The following MTMR3 variants were observed in gnomAD, a reference collection of about 807,000 sequenced individuals.
MTMR3 encodes the protein myotubularin related protein 3, also known as phosphatidylinositol-3,5-bisphosphate 3-phosphatase MTMR3.
Under a neutral mutation model 132.4 loss-of-function variants are expected in MTMR3, and 32 were observed. The observed-to-expected ratio is 0.24, with a 90% CI of 0.18 to 0.32. The LOEUF (loss-of-function observed/expected upper bound fraction) is 0.32, where lower values mean the gene tolerates loss of function less well. Ranked by LOEUF, MTMR3 falls within the 10% of genes least tolerant of loss-of-function variation. The pLI is 1.00. For synonymous variants in MTMR3, 556 were observed against 550.3 expected (o/e 1.01, Z -0.14); for missense variants, 1,216 against 1,489.6 (o/e 0.82, Z 3.02).
Position 29,927,935 on chromosome 22 carries a change from C to CTT in MTMR3, c.-137-29099_-137-29098dup, listed in dbSNP as rs1448628702. On this transcript the variant is annotated intron_variant, in intron 1 of 19. Coordinates refer to ENST00000401950, the MANE Select transcript of MTMR3 (RefSeq NM_021090.4). ...AAAATGTAATGCTAAAATCTCTAGCCTTTGTTTTTTTTTTTTTTTTTTTGA... is the reference window on the plus strand; with the variant it reads ...AAAATGTAATGCTAAAATCTCTAGCCTTTTTGTTTTTTTTTTTTTTTTTTTGA... Among the ~76,000 whole-genome samples the CTT allele has an allele frequency of 2.9e-3, 318 of 108,380 alleles. 2 individuals are homozygous for CTT. The highest frequency in any genetic ancestry group is 9.4e-3 in the African/African-American group (299 of 31,928). The allele number at this position is 108,380 out of a possible 152,430, so 71.1% of individuals were successfully genotyped here. A position where few individuals can be genotyped will look rare whatever the true frequency, so the allele number is the denominator to read the frequency against.
intron 1 of MTMR3, among the ~76,000 whole-genome samples, chr22:29,910,961 T>C (rs1214423606): frequency 6.6e-6 from 1 of 152,222 alleles, no homozygotes; most frequent in Non-Finnish European, 1.5e-5. Context: ...GTTGTATCCT[T>C]AAATCATATT....
At chr22:30,025,483 T>C (rs1018226775) in intron 19 of MTMR3, 147 bp from the exon 20 acceptor site, 11 of 780,682 alleles carry the variant, frequency 1.4e-5, no homozygotes, top group Non-Finnish European at 2.1e-5. Flanking sequence ...CCCAGCTTGT[T>C]CCTGGGCTAG....
chr22:29,967,231 G>GCA (rs1309166885), intron 2 of MTMR3, among the ~76,000 whole-genome samples: 1 of 107,902 alleles, frequency 9.3e-6, no homozygotes, highest in Non-Finnish European at 1.9e-5. Context: ...GTGTGTGTGT[G>GCA]TGCATGCGCG....
chr22:29,992,589 T>C (rs931032564), intron 7 of MTMR3: 9 of 152,214 alleles, frequency 5.9e-5, no homozygotes, highest in African/African-American at 2.2e-4. Flanking sequence ...TGACTTTTAG[T>C]GTGTCAGGTT....
At chr22:29,886,126 T>C (rs768354901) in intron 1 of MTMR3, among the ~76,000 whole-genome samples, 1 of 152,166 alleles carries the variant, frequency 6.6e-6, no homozygotes, top group Non-Finnish European at 1.5e-5. Flanking sequence ...ACTATTGATA[T>C]GGGAAAAAGA....
chr22:29,919,491 T>C (rs1288514766), intron 1 of MTMR3, among the ~76,000 whole-genome samples: 2 of 152,212 alleles, frequency 1.3e-5, no homozygotes, highest in African/African-American at 2.4e-5. Flanking sequence ...CCTTGAAGTT[T>C]AATAAATATT....
At chr22:29,908,548 C>T (rs983487346) in intron 1 of MTMR3, among the ~76,000 whole-genome samples, 1 of 152,136 alleles carries the variant, frequency 6.6e-6, no homozygotes, top group African/African-American at 2.4e-5. Flanking sequence ...AATTTCATGG[C>T]TATACGTTGT....
intron 1 of MTMR3, among the ~76,000 whole-genome samples, chr22:29,883,654 G>C (rs1385346195): frequency 6.6e-6 from 1 of 152,168 alleles, no homozygotes; most frequent in African/African-American, 2.4e-5. Flanking sequence ...CAGACCTGGC[G>C]GGGATGGGCC....
chr22:29,962,323 C>T (rs1474483504), intron 2 of MTMR3, among the ~76,000 whole-genome samples: 1 of 152,122 alleles, frequency 6.6e-6, no homozygotes, highest in Non-Finnish European at 1.5e-5. Context: ...AGTATATTCA[C>T]GAAGTTGTGT....
intron 1 of MTMR3, among the ~76,000 whole-genome samples, chr22:29,893,176 T>C (rs2064830742): frequency 6.6e-6 from 1 of 152,248 alleles, no homozygotes; most frequent in Non-Finnish European, 1.5e-5. Context: ...AACCAACAGG[T>C]ATATTTTCCG....
rs766355559 is a variant in MTMR3, at chr22:30,019,647, C to T, written c.1988C>T (p.Ala663Val). 4 of 1,614,182 alleles carry T rather than the reference C, an allele frequency of 2.5e-6. No individual in the cohort carries two copies. The Admixed American group carries it at 6.7e-5, about 27-fold the overall frequency. ...GGCCCTGGAGAGGATCCCCTTTCTG[C>T]CGACAGCCTAGGGAAGCCCACCAGA... is the stretch of plus-strand genomic sequence containing the variant. ...LAGPGEDPLS[A>V]DSLGKPTRVP... Residue 663 changes from alanine to valine, a missense_variant, in exon 17 of 20, where the codon GCC (alanine) becomes GTC (valine). Physicochemically the swap from Ala to Val is moderately conservative, Grantham distance 64. Around this residue, in one of 7 missense-constraint regions of MTMR3, gnomAD observed 852 missense variants for 852.0 expected, o/e 1.00. Transcript: ENST00000401950.
At position 29,971,078 on chromosome 22, in the gene MTMR3, TAA is replaced by T; in HGVS notation, c.3+17_3+18del. The stretch of plus-strand genomic sequence containing the variant: ...TCTTGTCATGGTAAGTACAAGGAAA[TAA>T]GAGTAAAAAAAAAAACAAAAAACCC... On this transcript the variant is annotated intron_variant, in intron 3 of 19. Coordinates refer to ENST00000401950, the MANE Select transcript of MTMR3 (RefSeq NM_021090.4). 5 of 1,578,200 alleles carry T rather than the reference TAA, an allele frequency of 3.2e-6. No homozygotes were observed. Among genetic ancestry groups the T allele is most frequent in the Non-Finnish European group, 4.3e-6 (5 of 1,166,298 alleles).
chr22:29,937,484 A>G (rs561511013), intron 1 of MTMR3, among the ~76,000 whole-genome samples: 2 of 151,198 alleles, frequency 1.3e-5, no homozygotes, highest in African/African-American at 4.9e-5. Context: ...CAGCACAATC[A>G]TAGCTTACTG....
intron 9 of MTMR3, chr22:30,005,241 G>C (rs2145932218): frequency 6.6e-6 from 1 of 152,320 alleles, no homozygotes; most frequent in East Asian, 1.9e-4. Context: ...GTTAGTGATA[G>C]AAATGCATTC....
Position 30,013,193 on chromosome 22 carries a change from A to G in MTMR3, c.1318-163A>G, listed in dbSNP as rs115319966. On this transcript the variant is annotated intron_variant, in intron 13 of 19. Transcript: ENST00000401950. ...GTTCAGGGAATTGGGAAATTTCCCT[A>G]AGTGTGTGCCTCATCAGGGATAGAG... The G allele has an allele frequency of 2.8e-3, 1,519 of 547,848 alleles. 12 individuals are homozygous for G. The highest frequency in any genetic ancestry group is 0.025 in the African/African-American group (1,333 of 52,520). 33.9% of individuals were successfully genotyped at this position (547,848 alleles called of 1,614,324 possible).
At chr22:30,002,822 GT>G in intron 8 of MTMR3, 57 bp from the exon 9 acceptor site, 1 of 1,320,860 alleles carries the variant, frequency 7.6e-7, no homozygotes, top group Non-Finnish European at 1.1e-6. Flanking sequence ...TCTCTCTCCC[GT>G]TTTCTCTCTC....
At chr22:29,940,129 G>A (rs1487352692) in intron 1 of MTMR3, among the ~76,000 whole-genome samples, 2 of 152,140 alleles carry the variant, frequency 1.3e-5, no homozygotes, top group Non-Finnish European at 2.9e-5. Context: ...TTAGCCGGGC[G>A]TGGTGGCGGG....
intron 9 of MTMR3, chr22:30,006,142 GA>G (rs1429385579): frequency 6.6e-6 from 1 of 152,170 alleles, no homozygotes; most frequent in African/African-American, 2.4e-5. Flanking sequence ...CCAAGTAATA[GA>G]ATTTTTCTAA....
At chr22:29,952,066 T>G (rs576230401) in intron 1 of MTMR3, among the ~76,000 whole-genome samples, 417 of 152,056 alleles carry the variant, frequency 2.7e-3, no homozygotes, top group African/African-American at 9.4e-3. Flanking sequence ...TTTTTGTGGG[T>G]TTTTTTGTAG....
Sources: allele counts gnomAD v4.1 joint callset (sites outside exome capture counted in the v4.1 genomes callset), GRCh38; gene constraint gnomAD v4.1.1; regional missense constraint gnomAD v4.1.1; transcripts MANE v1.5; gene names NCBI Gene and HGNC (gene_info 2026-07-23, HGNC 2026-07-21).